The following TFB1M variants were observed in gnomAD, a reference collection of about 807,000 sequenced individuals.
TFB1M encodes dimethyladenosine transferase 1, mitochondrial.
A neutral mutation model predicts 31.1 loss-of-function variants in TFB1M; 27 were observed. That is an observed-to-expected ratio of 0.87 (90% confidence interval 0.64 to 1.20). The LOEUF (loss-of-function observed/expected upper bound fraction) is 1.20. Ranked by LOEUF, TFB1M falls within the 50% of genes most tolerant of loss-of-function variation. TFB1M has a pLI of 0.00. For missense variants in TFB1M, 394 were observed against 418.7 expected (o/e 0.94, Z 0.51); for synonymous variants, 166 against 151.8 (o/e 1.09, Z -0.69).
At chr6:155,300,008 A>T (rs1777355246) in intron 2 of TFB1M, among the ~76,000 whole-genome samples, 1 of 152,232 alleles carries the variant, frequency 6.6e-6, no homozygotes, top group African/African-American at 2.4e-5. Flanking sequence ...ACAGCAATGC[A>T]TGGTGAGTGT....
At chr6:155,268,921 C>T (rs1405749378) in intron 5 of TFB1M, among the ~76,000 whole-genome samples, 16 of 131,246 alleles carry the variant, frequency 1.2e-4, no homozygotes, top group African/African-American at 4.4e-4. Flanking sequence ...TCCCCCTCTG[C>T]GAGAAACACC....
At chr6:155,253,061 T>C (rs1301551878), downstream of TFB1M, 2 of 1,610,682 alleles carry the variant, frequency 1.2e-6, no homozygotes, top group African/African-American at 2.7e-5. Context: ...CAGGTAACTG[T>C]TTCGTGCAGT....
chr6:155,281,619 G>T (rs941180120), intron 5 of TFB1M, among the ~76,000 whole-genome samples: 9 of 150,798 alleles, frequency 6.0e-5, no homozygotes, highest in African/African-American at 2.2e-4. Flanking sequence ...CTACTCGGAA[G>T]GCTGAGGCAG....
chr6:155,272,892 A>G (rs1463938550), intron 5 of TFB1M, among the ~76,000 whole-genome samples: 1 of 152,136 alleles, frequency 6.6e-6, no homozygotes, highest in African/African-American at 2.4e-5. Flanking sequence ...AAAGTTATAA[A>G]ATATATCAGT....
the TFB1M span, chr6:155,249,792 T>C: frequency 5.7e-5 from 82 of 1,426,818 alleles, no homozygotes; most frequent in Middle Eastern, 5.4e-3. Context: ...ATTATTACTG[T>C]TGGATAGAAT....
intron 5 of TFB1M, among the ~76,000 whole-genome samples, chr6:155,271,530 C>T (rs1297035563): frequency 1.3e-5 from 2 of 151,954 alleles, no homozygotes; most frequent in East Asian, 3.9e-4. Flanking sequence ...GCTGGGTTTT[C>T]TTTTTTCTTT....
chr6:155,263,800 C>T (rs1784497648), intron 5 of TFB1M, among the ~76,000 whole-genome samples: 2 of 152,146 alleles, frequency 1.3e-5, no homozygotes, highest in Non-Finnish European at 2.9e-5. Context: ...ATGCTGGCCA[C>T]TGTCTACAAA....
downstream of TFB1M, chr6:155,254,719 T>C (rs1783891534): frequency 9.7e-7 from 1 of 1,031,378 alleles, no homozygotes; most frequent in Non-Finnish European, 1.4e-6. Context: ...TAAACATGCC[T>C]CTTGCTCCCA....
At chr6:155,251,008 G>A in the TFB1M span, 3 of 1,614,074 alleles carry the variant, frequency 1.9e-6, no homozygotes, top group Admixed American at 1.7e-5. Flanking sequence ...AGGACCTTGA[G>A]CTCACAGTAT....
At chr6:155,260,864 G>A (rs1203402267) in intron 5 of TFB1M, 5 of 256,838 alleles carry the variant, frequency 1.9e-5, no homozygotes, top group Middle Eastern at 1.4e-3. Flanking sequence ...ACTTATTTTC[G>A]GTAGACACTG....
the TFB1M span, chr6:155,240,584 G>C: frequency 1.2e-6 from 2 of 1,614,126 alleles, no homozygotes; most frequent in Non-Finnish European, 1.7e-6. Flanking sequence ...TCAGGCCAAC[G>C]GCATGGAAGG....
intron 2 of TFB1M, 40 bp from the exon 3 acceptor site, chr6:155,298,625 T>C (rs762007057): frequency 1.5e-6 from 2 of 1,348,616 alleles, no homozygotes; most frequent in African/African-American, 2.9e-5. Context: ...CTCATATACT[T>C]ATGCGAGTAA....
At chr6:155,232,079 TCAAAAA>T in the TFB1M span, among the ~76,000 whole-genome samples, 8 of 140,918 alleles carry the variant, frequency 5.7e-5, no homozygotes, top group Admixed American at 1.6e-4. Flanking sequence ...AGACTCTGTC[TCAAAAA>T]CAAAAACAAA....
intron 5 of TFB1M, among the ~76,000 whole-genome samples, chr6:155,281,373 T>G (rs181061374): frequency 1.3e-3 from 198 of 152,320 alleles, no homozygotes; most frequent in Middle Eastern, 3.4e-3. Flanking sequence ...AAGAACCCGT[T>G]ACAACTCTCA....
At chr6:155,231,162 T>G in the TFB1M span, among the ~76,000 whole-genome samples, 1 of 152,168 alleles carries the variant, frequency 6.6e-6, no homozygotes, top group African/African-American at 2.4e-5. Flanking sequence ...CCCTTACCAG[T>G]AAATCACGTC....
rs1002078813 is a variant in TFB1M, at chr6:155,257,211, A to C, written c.*625T>G. The C allele has an allele frequency of 1.1e-5, 12 of 1,125,938 alleles. No homozygotes were observed. Among genetic ancestry groups the C allele is most frequent in the East Asian group, 2.7e-5 (1 of 36,516 alleles). 69.7% of individuals were successfully genotyped at this position (1,125,938 alleles called of 1,614,324 possible). On this transcript the variant is annotated 3_prime_UTR_variant, in exon 7 of 7. Coordinates refer to ENST00000367166, the MANE Select transcript of TFB1M (RefSeq NM_016020.4). ...ATTGCAAAAAAAAAAAAAAAAAAAAACTGTTCATTCCTGGGTTTTGTGCAG... is the reference window on the plus strand; with the variant it reads ...ATTGCAAAAAAAAAAAAAAAAAAAACCTGTTCATTCCTGGGTTTTGTGCAG...
At chr6:155,312,451 T>C (rs1452291027) in intron 1 of TFB1M, among the ~76,000 whole-genome samples, 21 of 152,186 alleles carry the variant, frequency 1.4e-4, no homozygotes, top group Admixed American at 1.3e-3. Flanking sequence ...GACTTCAACA[T>C]AGGTATAAAT....
At chr6:155,254,050 T>C (rs1783848773), downstream of TFB1M, 1 of 1,613,980 alleles carries the variant, frequency 6.2e-7, no homozygotes, top group African/African-American at 1.3e-5. Context: ...CATCTTTCAG[T>C]TGTGTTGCAG....
At chr6:155,254,183 G>A (rs117437369), downstream of TFB1M, 292 of 1,155,574 alleles carry the variant, frequency 2.5e-4, 2 homozygotes, top group Non-Finnish European at 3.3e-4. Flanking sequence ...CCCACCCTCC[G>A]AAAAAGGCAA....
Sources: allele counts gnomAD v4.1 joint callset (sites outside exome capture counted in the v4.1 genomes callset), GRCh38; gene constraint gnomAD v4.1.1; transcripts MANE v1.5; gene names NCBI Gene and HGNC (gene_info 2026-07-23, HGNC 2026-07-21).